The following RBL2 variants were observed in gnomAD, a reference collection of about 807,000 sequenced individuals.
The protein encoded by RBL2 is RB transcriptional corepressor like 2.
In RBL2, 56 loss-of-function variants were observed where a neutral mutation model predicts 126.0. The ratio of observed to expected loss-of-function variants is 0.44; its 90% CI spans 0.36 to 0.56. RBL2 has a LOEUF of 0.56. Ranked by LOEUF, RBL2 falls within the 20% of genes least tolerant of loss-of-function variation. The pLI is 0.00. For synonymous variants in RBL2, 454 were observed against 478.5 expected, an observed-to-expected ratio of 0.95 and a Z score of 0.67; for missense variants, 1,229 against 1,398.2, an observed-to-expected ratio of 0.88 and a Z score of 1.93.
Position 53,434,542 on chromosome 16 carries a change from G to A in RBL2, c.-15G>A, listed in dbSNP as rs941149959. 2.7e-6 allele frequency: 4 copies of A among 1,455,482 alleles called. No homozygotes were observed. In the African/African-American group the frequency reaches 5.9e-5, roughly 21 times the overall value. 90.2% of individuals were successfully genotyped at this position (1,455,482 alleles called of 1,614,324 possible). A position where few individuals can be genotyped will look rare whatever the true frequency, so the allele number is the denominator to read the frequency against. ...CCCTCACCTCACCTGAGGTCCGGCCGCCCAGGGGTGCGCTATGCCGTCGGG... is the reference window on the plus strand; with the variant it reads ...CCCTCACCTCACCTGAGGTCCGGCCACCCAGGGGTGCGCTATGCCGTCGGG... On this transcript the variant is annotated 5_prime_UTR_variant, in exon 1 of 22. Coordinates refer to ENST00000262133, the MANE Select transcript of RBL2 (RefSeq NM_005611.4).
intron 21 of RBL2, among the ~76,000 whole-genome samples, chr16:53,483,314 A>G (rs556919605): frequency 2.6e-5 from 4 of 152,178 alleles, no homozygotes; most frequent in Non-Finnish European, 4.4e-5. Context: ...TAATCCCAAC[A>G]TTTTGGCAGG....
chr16:53,434,506 G>GCGGGCC lies in RBL2; in HGVS notation c.-43_-38dup. On this transcript the variant is annotated 5_prime_UTR_variant, in exon 1 of 22. Transcript: ENST00000262133. ...CGGGCGCTTCGCCGTTTGAATGGCT[G>GCGGGCC]CGGGCCCGGGCCCTCACCTCACCTG... The GCGGGCC allele has an allele frequency of 7.4e-7, 1 of 1,349,116 alleles. No homozygotes were observed. Among genetic ancestry groups the GCGGGCC allele is most frequent in the Non-Finnish European group, 9.5e-7 (1 of 1,055,170 alleles). The allele number at this position is 1,349,116 out of a possible 1,614,324, so 83.6% of individuals were successfully genotyped here.
chr16:53,454,056 C>CA (rs1249824086), intron 7 of RBL2, among the ~76,000 whole-genome samples: 1 of 152,204 alleles, frequency 6.6e-6, no homozygotes, highest in Non-Finnish European at 1.5e-5. Context: ...TGGAAGTCTT[C>CA]AGGGGTGCCT....
rs761234084 is a variant in RBL2, at chr16:53,447,058, G to A, written c.589G>A (p.Val197Met). 1.3e-6 allele frequency: 2 copies of A among 1,591,552 alleles called. No homozygotes were observed. The highest frequency in any genetic ancestry group is 1.2e-5 in the South Asian group (1 of 86,886). The change falls in exon 4 of 22, where the codon GTG (valine) becomes ATG (methionine). Residue 197 changes from valine (V) to methionine (M), a missense_variant. Physicochemically the swap from Val to Met is conservative, Grantham distance 21. This residue lies in a region of RBL2 where 1,070 missense variants were observed against 1,274.3 expected (regional missense o/e 0.84). Coordinates refer to ENST00000262133, the MANE Select transcript of RBL2 (RefSeq NM_005611.4). ...CCCCCAAAGGCGACAGCCCTGTACT[G>A]TGTCTGAAATTTTCCATTTTTGTTG... ...GRKQRRQPCT[V>M]SEIFHFCWVL...
Position 53,479,451 on chromosome 16 carries a change from G to GA in RBL2, c.2775+231dup, listed in dbSNP as rs1257256679. ...AATATTTGATTGCCTTCTTAATTCA[G>GA]AAAAATCACAAGATAGGAATTAAGA... On this transcript the variant is annotated intron_variant, in intron 18 of 21. Transcript: ENST00000262133. 80 of 540,202 alleles carry GA rather than the reference G, an allele frequency of 1.5e-4. No homozygotes were observed. In the East Asian group the frequency reaches 2.4e-3, roughly 16 times the overall value. 33.5% of individuals were successfully genotyped at this position (540,202 alleles called of 1,614,324 possible).
intron 13 of RBL2, 109 bp from the exon 14 acceptor site, chr16:53,466,949 T>C: frequency 1.3e-6 from 1 of 782,236 alleles, no homozygotes; most frequent in Non-Finnish European, 2.0e-6. Context: ...GCTGATTTTA[T>C]TTAGATGGAA....
intron 17 of RBL2, among the ~76,000 whole-genome samples, chr16:53,475,897 G>A (rs1220297687): frequency 1.5e-5 from 2 of 129,260 alleles, no homozygotes; most frequent in Non-Finnish European, 3.1e-5. Flanking sequence ...CTAGGCTGGA[G>A]TGTAGTGCTC....
At chr16:53,457,257 G>GTTTTTTTTTTTT (rs1555566417) in intron 8 of RBL2, among the ~76,000 whole-genome samples, 5 of 70,594 alleles carry the variant, frequency 7.1e-5, no homozygotes, top group African/African-American at 4.4e-4. Context: ...GGTACAGATA[G>GTTTTTTTTTTTT]CTTTTTTTTT....
chr16:53,435,264 G>GC, intron 1 of RBL2, among the ~76,000 whole-genome samples: 1 of 152,140 alleles, frequency 6.6e-6, no homozygotes. Flanking sequence ...CTTTGCCCTG[G>GC]CGTTGCGGGC....
chr16:53,480,866 A>ATAT, intron 20 of RBL2, 97 bp downstream of exon 20: 1 of 1,289,856 alleles, frequency 7.8e-7, no homozygotes, highest in Non-Finnish European at 1.1e-6. Context: ...GTCCGTATAT[A>ATAT]AACTAGTTTT....
intron 1 of RBL2, chr16:53,435,667 T>C (rs920079969): frequency 1.8e-5 from 23 of 1,288,902 alleles, no homozygotes; most frequent in Non-Finnish European, 2.2e-5. Context: ...CTGAGGCCAT[T>C]TGATTTCTCA....
chr16:53,443,011 T>C (rs1300467581), intron 3 of RBL2, among the ~76,000 whole-genome samples, 153 bp downstream of exon 3: 1 of 152,092 alleles, frequency 6.6e-6, no homozygotes, highest in African/African-American at 2.4e-5. Flanking sequence ...CTTTTTTTGC[T>C]TTTCATTGTG....
intron 21 of RBL2, chr16:53,489,543 GCTC>G (rs1344028447): frequency 6.6e-6 from 1 of 152,134 alleles, no homozygotes; most frequent in Non-Finnish European, 1.5e-5. Context: ...CTCAATTGCA[GCTC>G]CTCATCTGAG....
intron 21 of RBL2, chr16:53,489,614 C>T (rs1961321191): frequency 6.6e-6 from 1 of 152,036 alleles, no homozygotes; most frequent in Non-Finnish European, 1.5e-5. Context: ...AAGGATAGTA[C>T]CATTCTAGAT....
chr16:53,481,412 A>G, intron 20 of RBL2: 1 of 353,684 alleles, frequency 2.8e-6, no homozygotes, highest in African/African-American at 2.1e-5. Context: ...TGGGAATATA[A>G]CTAGTTCCTA....
At chr16:53,443,314 G>T (rs1295960224) in intron 3 of RBL2, 1 of 152,382 alleles carries the variant, frequency 6.6e-6, no homozygotes, top group East Asian at 1.9e-4. Context: ...TTTAGTATAT[G>T]TGCTGCCGAA....
chr16:53,449,744 A>T (rs2058096320), intron 4 of RBL2, among the ~76,000 whole-genome samples: 1 of 152,098 alleles, frequency 6.6e-6, no homozygotes, highest in Non-Finnish European at 1.5e-5. Context: ...CACCTTTCTA[A>T]TGACAAATAA....
In RBL2 at chr16:53,470,022, G is replaced by A. The variant is rs1131220; in HGVS notation, c.2082G>A (p.Thr694=). ...ATGATAGCCCCTCTGATGGAGGGACGCCTGGGCGCATGCCCCCACAGCCCC... is the reference window on the plus strand; with the variant it reads ...ATGATAGCCCCTCTGATGGAGGGACACCTGGGCGCATGCCCCCACAGCCCC... ...VENDSPSDGG[T]PGRMPPQPLV... is the part of the protein sequence containing the mutation. Residue 694 remains threonine (T), a synonymous_variant, in exon 15 of 22, where the codon ACG becomes ACA. Coordinates refer to ENST00000262133, the MANE Select transcript of RBL2 (RefSeq NM_005611.4). 0.47 allele frequency: 756,079 copies of A among 1,612,728 alleles called. 186,031 individuals are homozygous for A. The highest frequency in any genetic ancestry group is 0.79 in the African/African-American group (59,191 of 74,954).
At chr16:53,436,508 A>G (rs1220646978) in intron 1 of RBL2, among the ~76,000 whole-genome samples, 1 of 152,184 alleles carries the variant, frequency 6.6e-6, no homozygotes, top group African/African-American at 2.4e-5. Context: ...CTTGCTACAC[A>G]TTGTTCTAGG....
Sources: gnomAD v4.1 joint callset for allele counts (sites outside exome capture counted in the v4.1 genomes callset) on GRCh38, gnomAD v4.1.1 for gene constraint, gnomAD v4.1.1 regional missense constraint, MANE v1.5 for transcripts, NCBI Gene and HGNC (gene_info 2026-07-23, HGNC 2026-07-21) for gene names.